Variants in CPM observed in about 807,000 individuals in gnomAD.
The protein encoded by CPM is carboxypeptidase M.
In CPM, 35 loss-of-function variants were observed where a neutral mutation model predicts 46.4. The ratio of observed to expected loss-of-function variants is 0.75; its 90% CI spans 0.58 to 1.00. CPM has a LOEUF of 1.00. Ranked by LOEUF, CPM falls within the 50% of genes least tolerant of loss-of-function variation. CPM has a pLI of 0.00. For synonymous variants in CPM, 195 were observed against 195.3 expected, an observed-to-expected ratio of 1.00 and a Z score of 0.01; for missense variants, 422 against 530.4, an observed-to-expected ratio of 0.80 and a Z score of 2.01.
chr12:68,849,963 T>A (rs1161370631), downstream of CPM: 1 of 152,080 alleles, frequency 6.6e-6, no homozygotes, highest in East Asian at 1.9e-4. Flanking sequence ...GAAATAATAG[T>A]TCTATTCTCA....
chr12:68,859,109 T>G, intron 7 of CPM, 38 bp from the exon 8 acceptor site: 1 of 1,143,320 alleles, frequency 8.7e-7, no homozygotes, highest in Non-Finnish European at 1.2e-6. Context: ...TAATACCATA[T>G]TTTATGGCAT....
chr12:68,901,521 C>G (rs546788414), intron 2 of CPM, among the ~76,000 whole-genome samples: 1 of 152,146 alleles, frequency 6.6e-6, no homozygotes, highest in African/African-American at 2.4e-5. Flanking sequence ...TTTATTAAAC[C>G]TCTCTATTTG....
intron 2 of CPM, among the ~76,000 whole-genome samples, chr12:68,887,039 G>A (rs1886466727): frequency 6.6e-6 from 1 of 152,194 alleles, no homozygotes; most frequent in Non-Finnish European, 1.5e-5. Context: ...CAGAGGCTGT[G>A]ATTTGAGCCC....
Position 68,949,087 on chromosome 12 carries a change from G to A in CPM, c.-4+14082C>T, listed in dbSNP as rs572196598. Among the ~76,000 whole-genome samples, 61 of 152,268 alleles carry A rather than the reference G, an allele frequency of 4.0e-4. No homozygotes were observed. The South Asian group carries it at 0.012, about 31-fold the overall frequency. ...GTATTAGAAACTATTTTTGTTGTTA[G>A]AAGTACAGATTCTGGGCTCACACCT... On this transcript the variant is annotated intron_variant, in intron 1 of 8. Coordinates refer to the CPM transcript ENST00000546373.
rs767189137 is a variant in CPM, at chr12:68,858,916, T to C, written c.1089+7A>G. On this transcript the variant is annotated splice_region_variant and intron_variant, in intron 8 of 8. Coordinates refer to ENST00000551568, the MANE Select transcript of CPM (RefSeq NM_198320.5). ...TTTAATAACAATAACTAGCATTGCATACTTACATTTATTATATAAGACCCA... is the reference window on the plus strand; with the variant it reads ...TTTAATAACAATAACTAGCATTGCACACTTACATTTATTATATAAGACCCA... 1.4e-6 allele frequency: 2 copies of C among 1,440,186 alleles called. No homozygotes were observed. Among genetic ancestry groups the C allele is most frequent in the South Asian group, 1.6e-5 (1 of 62,492 alleles). The allele number at this position is 1,440,186 out of a possible 1,614,324, so 89.2% of individuals were successfully genotyped here. A position where few individuals can be genotyped will look rare whatever the true frequency, so the allele number is the denominator to read the frequency against.
Position 68,855,737 on chromosome 12 carries a change from GTT to G in CPM, c.*698_*699del, listed in dbSNP as rs1317822928. ...GGTGAGGTGTTTTTTTTGTTTGTTT[GTT>G]TTTGTTTTTTTTTTTTTGAGACAGA... On this transcript the variant is annotated 3_prime_UTR_variant, in exon 9 of 9. Coordinates refer to ENST00000551568, the MANE Select transcript of CPM (RefSeq NM_198320.5). 1 of 142,054 alleles carries G rather than the reference GTT, an allele frequency of 7.0e-6. No individual in the cohort carries two copies. Among genetic ancestry groups the G allele is most frequent in the African/African-American group, 2.9e-5 (1 of 33,932 alleles). 8.8% of individuals were successfully genotyped at this position (142,054 alleles called of 1,614,324 possible). A position where few individuals can be genotyped will look rare whatever the true frequency, so the allele number is the denominator to read the frequency against.
In CPM at chr12:68,857,968, C is replaced by T. The variant is rs76085959; in HGVS notation, c.1089+955G>A. The stretch of plus-strand genomic sequence containing the variant: ...ATTTTTCAAGCTCTATCCATTTTCT[C>T]GGCAGGAGTAGAAATTCCTAAAAGG... On this transcript the variant is annotated intron_variant, in intron 8 of 8. Transcript: ENST00000551568. Among the ~76,000 whole-genome samples, 1,154 of 152,230 alleles carry T rather than the reference C, an allele frequency of 7.6e-3. 41 individuals are homozygous for T. The East Asian group carries it at 0.086, about 11-fold the overall frequency.
chr12:68,950,058 G>A (rs760082959), intron 1 of CPM, among the ~76,000 whole-genome samples: 19 of 152,106 alleles, frequency 1.2e-4, no homozygotes, highest in African/African-American at 2.9e-4. Flanking sequence ...CCTTGTTCAC[G>A]TGCTCATGCC....
chr12:68,892,635 G>T (rs977816061), intron 2 of CPM, among the ~76,000 whole-genome samples: 7 of 152,116 alleles, frequency 4.6e-5, no homozygotes, highest in Non-Finnish European at 7.4e-5. Flanking sequence ...CAAGGCAGGC[G>T]GATCACCTGA....
At chr12:68,876,926 G>C (rs1482204962) in intron 3 of CPM, among the ~76,000 whole-genome samples, 1 of 151,776 alleles carries the variant, frequency 6.6e-6, no homozygotes, top group African/African-American at 2.4e-5. Flanking sequence ...GTGTGAGAGA[G>C]AGAGAGAGAG....
Position 68,856,439 on chromosome 12 carries a change from AT to A in CPM, c.1329del (p.Lys443AsnfsTer42). ...TGGGTTGAGTTTCACATTTTACTTT[AT>A]TTGAAGAATATGTGCAAAAGACTCA... ...FLVSLLHIFF[K>X] On this transcript the variant is annotated frameshift_variant, in exon 9 of 9. Coordinates refer to ENST00000551568, the MANE Select transcript of CPM (RefSeq NM_198320.5). LOFTEE classifies it high-confidence loss of function. The A allele has an allele frequency of 6.2e-7, 1 of 1,612,902 alleles. No homozygotes were observed. Among genetic ancestry groups the A allele is most frequent in the Middle Eastern group, 1.7e-4 (1 of 6,058 alleles).
chr12:68,854,563 C>T lies in CPM; in HGVS notation c.*1874G>A, dbSNP rs527827082. 6.6e-6 allele frequency: 1 copy of T among 152,296 alleles called. No homozygotes were observed. Among genetic ancestry groups the T allele is most frequent in the East Asian group, 1.9e-4 (1 of 5,184 alleles). 9.4% of individuals were successfully genotyped at this position (152,296 alleles called of 1,614,324 possible). A position where few individuals can be genotyped will look rare whatever the true frequency, so the allele number is the denominator to read the frequency against. ...CAGCCAAGGCTTCCTAGTGGAGCTG[C>T]TACCTGAACTGAGTTTTAAGAGGGG... On this transcript the variant is annotated 3_prime_UTR_variant, in exon 9 of 9. Coordinates refer to ENST00000551568, the MANE Select transcript of CPM (RefSeq NM_198320.5).
At chr12:68,948,334 T>C (rs1271666531) in intron 1 of CPM, among the ~76,000 whole-genome samples, 2 of 152,160 alleles carry the variant, frequency 1.3e-5, no homozygotes, top group African/African-American at 4.8e-5. Context: ...GGAAGAGAGA[T>C]GAGGGCCTGA....
Position 68,871,769 on chromosome 12 carries a change from C to T in CPM, c.431+15G>A, listed in dbSNP as rs1240657062. Reference sequence around the variant, plus strand: ...TGTGTTGTTTTCAAGTAAAGATAGACCAGCCCCTCTTTACCTTCCGATGCT... The same window carrying T: ...TGTGTTGTTTTCAAGTAAAGATAGATCAGCCCCTCTTTACCTTCCGATGCT... On this transcript the variant is annotated intron_variant, in intron 4 of 8. Transcript: ENST00000551568. 4.3e-6 allele frequency: 7 copies of T among 1,613,748 alleles called. No homozygotes were observed. Among genetic ancestry groups the T allele is most frequent in the Non-Finnish European group, 5.9e-6 (7 of 1,179,852 alleles).
At chr12:68,954,922 C>T (rs867948326) in intron 1 of CPM, among the ~76,000 whole-genome samples, 1 of 152,204 alleles carries the variant, frequency 6.6e-6, no homozygotes, top group Non-Finnish European at 1.5e-5. Flanking sequence ...ATGTGCAGTA[C>T]GTCTGGTCCA....
At chr12:68,920,432 G>T (rs1887986619) in intron 2 of CPM, among the ~76,000 whole-genome samples, 1 of 152,008 alleles carries the variant, frequency 6.6e-6, no homozygotes, top group South Asian at 2.1e-4. Flanking sequence ...TTAACGAGTG[G>T]GCTCAACTGA....
intron 1 of CPM, among the ~76,000 whole-genome samples, chr12:68,944,131 C>G (rs1258287850): frequency 2.6e-5 from 4 of 151,240 alleles, no homozygotes; most frequent in Non-Finnish European, 5.9e-5. Flanking sequence ...TAAATATACT[C>G]AGACAATAGC....
Position 68,856,628 on chromosome 12 carries a change from T to A in CPM, c.1141A>T (p.Lys381Ter). 3 of 1,614,218 alleles carry A rather than the reference T, an allele frequency of 1.9e-6. No individual in the cohort carries two copies. Among genetic ancestry groups the A allele is most frequent in the Non-Finnish European group, 2.5e-6 (3 of 1,180,016 alleles). The change falls in exon 9 of 9, where the codon AAA (lysine) becomes TAA (stop). Residue 381 changes from lysine (K) to a stop codon, truncating the protein, a stop_gained. Transcript: ENST00000551568. LOFTEE classifies it high-confidence loss of function. ...PHITKVIIPE[K>*]SQNFSALKKD... ...TTAAGAGCACTGAAGTTCTGGGATT[T>A]CTCCGGAATAATCACCTTTGTGATG...
rs142074321 is a variant in CPM, at chr12:68,908,327, C to T, written c.161-22438G>A. On this transcript the variant is annotated intron_variant, in intron 2 of 8. Coordinates refer to ENST00000551568, the MANE Select transcript of CPM (RefSeq NM_198320.5). Reference sequence around the variant, plus strand: ...TAGGTACCAGGATACAAGGCCAACCCGGGGCTACTCTTTCTGCTGTGTCTC... The same window carrying T: ...TAGGTACCAGGATACAAGGCCAACCTGGGGCTACTCTTTCTGCTGTGTCTC... 5.7e-4 allele frequency among the ~76,000 whole-genome samples: 86 copies of T among 151,726 alleles called. No homozygotes were observed. The East Asian group carries it at 0.013, about 23-fold the overall frequency.
Sources: allele counts gnomAD v4.1 joint callset (sites outside exome capture counted in the v4.1 genomes callset), GRCh38; gene constraint gnomAD v4.1.1; transcripts MANE v1.5; gene names NCBI Gene and HGNC (gene_info 2026-07-23, HGNC 2026-07-21).